LRP1B: variants seen among roughly 807,000 people sequenced by gnomAD.
LRP1B encodes the protein LDL receptor related protein 1B, also known as low-density lipoprotein receptor-related protein 1B.
Under a neutral mutation model 556.6 loss-of-function variants are expected in LRP1B, and 217 were observed. That is an observed-to-expected ratio of 0.39 (90% CI 0.35 to 0.44). The LOEUF (loss-of-function observed/expected upper bound fraction) is 0.44, where lower values mean the gene tolerates loss of function less well. Ranked by LOEUF, LRP1B falls within the 20% of genes least tolerant of loss-of-function variation. LRP1B has a pLI of 1.00. For missense variants in LRP1B, 5,053 were observed against 5,620.8 expected, an observed-to-expected ratio of 0.90 and a Z score of 3.23; for synonymous variants, 2,047 against 1,865.8, an observed-to-expected ratio of 1.10 and a Z score of -2.50.
At chr2:141,048,277 G>A (rs1448227599) in intron 11 of LRP1B, among the ~76,000 whole-genome samples, 1 of 152,088 alleles carries the variant, frequency 6.6e-6, no homozygotes, top group East Asian at 1.9e-4. Flanking sequence ...GGCAGCCAGT[G>A]AAGATCTGGT....
chr2:140,323,750 G>C (rs1293270245), intron 81 of LRP1B, 143 bp downstream of exon 81: 1 of 414,772 alleles, frequency 2.4e-6, no homozygotes, highest in African/African-American at 2.1e-5. Flanking sequence ...AGTTGAAAAA[G>C]TCTAGTGACA....
chr2:141,901,381 C>CA (rs1034055819), intron 1 of LRP1B, among the ~76,000 whole-genome samples: 2 of 151,880 alleles, frequency 1.3e-5, no homozygotes, highest in African/African-American at 4.8e-5. Flanking sequence ...CAGTTTGCTG[C>CA]AAAATTAGAT....
At chr2:141,295,643 T>C (rs1411101548) in intron 3 of LRP1B, among the ~76,000 whole-genome samples, 1 of 152,066 alleles carries the variant, frequency 6.6e-6, no homozygotes, top group African/African-American at 2.4e-5. Flanking sequence ...TAGCTTTTAC[T>C]TTATCTTTAT....
At chr2:140,831,031 A>T (rs1691696080) in intron 31 of LRP1B, among the ~76,000 whole-genome samples, 1 of 152,152 alleles carries the variant, frequency 6.6e-6, no homozygotes. Flanking sequence ...AGAAAACAAT[A>T]AACTACTGAT....
rs193179374 is a variant in LRP1B, at chr2:140,873,367, G to A, written c.4170-5104C>T. Among the ~76,000 whole-genome samples, 58 of 152,054 alleles carry A rather than the reference G, an allele frequency of 3.8e-4. No individual in the cohort carries two copies. The East Asian group carries it at 4.2e-3, about 11-fold the overall frequency. On this transcript the variant is annotated intron_variant, in intron 25 of 90. Coordinates refer to ENST00000389484, the MANE Select transcript of LRP1B (RefSeq NM_018557.3). Reference sequence around the variant, plus strand: ...AGATTACCATAACTTCTAATCTTGCGGCTTTAGGCAGTCTAGTCCACAGGC... The same window carrying A: ...AGATTACCATAACTTCTAATCTTGCAGCTTTAGGCAGTCTAGTCCACAGGC...
chr2:141,044,386 A>G (rs989179604), intron 11 of LRP1B, among the ~76,000 whole-genome samples: 18 of 151,970 alleles, frequency 1.2e-4, no homozygotes, highest in South Asian at 8.3e-4. Flanking sequence ...TAAAACACCA[A>G]AAGCAATGGC....
rs142975914 is a variant in LRP1B at position 140,643,811 on chromosome 2, T to C, written c.6800-42172A>G. On this transcript the variant is annotated intron_variant, in intron 41 of 90. Transcript: ENST00000389484. The stretch of plus-strand genomic sequence containing the variant: ...CATGCATATTGAGTACATTCAAACA[T>C]AACATACTGTGTGTTCCATTTTTCT... Among the ~76,000 whole-genome samples, 416 of 152,314 alleles carry C rather than the reference T, an allele frequency of 2.7e-3. 4 individuals are homozygous for C. The highest frequency in any genetic ancestry group is 9.5e-3 in the African/African-American group (395 of 41,574).
intron 66 of LRP1B, among the ~76,000 whole-genome samples, chr2:140,410,083 A>C (rs548168598): frequency 1.3e-5 from 2 of 152,246 alleles, no homozygotes; most frequent in Admixed American, 1.3e-4. Flanking sequence ...ACACTCTGAG[A>C]TAAATACGGA....
At chr2:141,281,801 T>C (rs1045622758) in intron 3 of LRP1B, among the ~76,000 whole-genome samples, 8 of 152,060 alleles carry the variant, frequency 5.3e-5, no homozygotes, top group Admixed American at 1.3e-4. Flanking sequence ...AAACATAAGC[T>C]TGATGACAGA....
intron 1 of LRP1B, among the ~76,000 whole-genome samples, chr2:142,053,173 T>C (rs910397690): frequency 6.6e-6 from 1 of 152,162 alleles, no homozygotes; most frequent in African/African-American, 2.4e-5. Flanking sequence ...AACTAATACA[T>C]GGAATTATTT....
chr2:141,917,944 A>G (rs1700082202), intron 1 of LRP1B, among the ~76,000 whole-genome samples: 1 of 152,130 alleles, frequency 6.6e-6, no homozygotes. Context: ...CATCAATGGG[A>G]GAATTGTTGA....
chr2:142,113,091 C>T (rs1409648789), intron 1 of LRP1B, among the ~76,000 whole-genome samples: 1 of 151,998 alleles, frequency 6.6e-6, no homozygotes, highest in Non-Finnish European at 1.5e-5. Context: ...GCATTATTCT[C>T]CTGATTTTAC....
chr2:142,112,808 T>C (rs935576492), intron 1 of LRP1B, among the ~76,000 whole-genome samples: 12 of 152,118 alleles, frequency 7.9e-5, no homozygotes, highest in Non-Finnish European at 1.5e-4. Context: ...ATTGAATATG[T>C]ATGTACACAC....
chr2:141,738,274 C>A lies in LRP1B; in HGVS notation c.205+72005G>T, dbSNP rs142177314. 7.8e-4 allele frequency among the ~76,000 whole-genome samples: 119 copies of A among 152,254 alleles called. 1 individual carries two copies. The highest frequency in any genetic ancestry group is 2.4e-3 in the Admixed American group (37 of 15,270). On this transcript the variant is annotated intron_variant, in intron 2 of 90. Transcript: ENST00000389484. ...ATGGACTATTTTTATTTCTGTATCT[C>A]CTTCTCTCCCAATAGAGAAATACTT... is the stretch of plus-strand genomic sequence containing the variant.
At chr2:141,719,688 A>T (rs921132213) in intron 2 of LRP1B, among the ~76,000 whole-genome samples, 1 of 152,118 alleles carries the variant, frequency 6.6e-6, no homozygotes, top group Non-Finnish European at 1.5e-5. Flanking sequence ...AATACTACAC[A>T]GCTGTAAAAA....
intron 1 of LRP1B, among the ~76,000 whole-genome samples, chr2:142,074,687 C>T (rs1413793147): frequency 1.3e-5 from 2 of 151,988 alleles, no homozygotes; most frequent in Non-Finnish European, 2.9e-5. Context: ...TCCTACTCAC[C>T]CCAGCTCAAG....
chr2:141,744,910 A>G (rs1474113154), intron 2 of LRP1B, among the ~76,000 whole-genome samples: 2 of 152,192 alleles, frequency 1.3e-5, no homozygotes, highest in African/African-American at 4.8e-5. Flanking sequence ...GCACATCTTA[A>G]GCCCAGTAAT....
intron 41 of LRP1B, among the ~76,000 whole-genome samples, chr2:140,663,592 G>A (rs999300992): frequency 2.0e-5 from 3 of 152,180 alleles, no homozygotes; most frequent in Admixed American, 2.0e-4. Context: ...ATTAAAGAGA[G>A]TTAGGGCCTT....
At chr2:140,585,616 TCA>T (rs1156786122) in intron 43 of LRP1B, among the ~76,000 whole-genome samples, 3 of 152,168 alleles carry the variant, frequency 2.0e-5, no homozygotes, top group East Asian at 1.9e-4. Context: ...TTGCTCAAGA[TCA>T]CACAGTTTTT....
Sources: allele counts gnomAD v4.1 joint callset (sites outside exome capture counted in the v4.1 genomes callset), GRCh38; gene constraint gnomAD v4.1.1; transcripts MANE v1.5; gene names NCBI Gene and HGNC (gene_info 2026-07-23, HGNC 2026-07-21).